Variants in RYR3 observed in about 807,000 individuals in gnomAD.
RYR3 encodes the protein brain ryanodine receptor-calcium release channel.
Under a neutral mutation model 584.3 loss-of-function variants are expected in RYR3, and 207 were observed. The ratio of observed to expected loss-of-function variants is 0.35; its 90% confidence interval spans 0.32 to 0.40. The LOEUF (loss-of-function observed/expected upper bound fraction) is 0.40, where lower values mean the gene tolerates loss of function less well. Ranked by LOEUF, RYR3 falls within the 10% of genes least tolerant of loss-of-function variation. The pLI is 1.00. For synonymous variants in RYR3, 2,416 were observed against 2,248.5 expected (o/e 1.07, Z -2.11); for missense variants, 5,616 against 6,089.2 (o/e 0.92, Z 2.59).
intron 48 of RYR3, among the ~76,000 whole-genome samples, chr15:33,734,729 G>C (rs1261123530): frequency 7.7e-6 from 1 of 129,080 alleles, no homozygotes; most frequent in African/African-American, 3.0e-5. Flanking sequence ...TCGCTCTGTC[G>C]CCCAGGTTGG....
rs755936109 is a variant in RYR3 at position 33,473,427 on chromosome 15, A to C, written c.60A>C (p.Glu20Asp). ...CTCTCTTCTCCTGGCAGGAGGATGA[A>C]GTGGTACTCCAGTGCATCGCCACCA... ...DEIQFLRTED[E>D]VVLQCIATIH... The change falls in exon 2 of 104, where the codon GAA (glutamate) becomes GAC (aspartate). Residue 20 changes from glutamate (E) to aspartate (D), a missense_variant. By Grantham distance (45) the Glu-to-Asp change is conservative (BLOSUM62 2). This residue lies in a region of RYR3 where 1,284 missense variants were observed against 1,344.6 expected (regional missense o/e 0.95). Transcript: ENST00000634891. The C allele has an allele frequency of 1.2e-6, 2 of 1,613,836 alleles. No homozygotes were observed. Among genetic ancestry groups the C allele is most frequent in the Non-Finnish European group, 1.7e-6 (2 of 1,179,886 alleles).
At chr15:33,864,439 A>G (rs980724200) in intron 103 of RYR3, among the ~76,000 whole-genome samples, 11 of 151,182 alleles carry the variant, frequency 7.3e-5, no homozygotes, top group Middle Eastern at 3.2e-3. Flanking sequence ...GGAGAACATT[A>G]CAGAGACAAT....
chr15:33,355,189 A>AAG (rs2140961148), intron 1 of RYR3, among the ~76,000 whole-genome samples: 1 of 151,944 alleles, frequency 6.6e-6, no homozygotes, highest in East Asian at 1.9e-4. Context: ...CCTCAAAAAA[A>AAG]AAAAAAAAAA....
intron 69 of RYR3, among the ~76,000 whole-genome samples, chr15:33,804,767 C>T (rs1038817297): frequency 6.6e-6 from 1 of 152,200 alleles, no homozygotes; most frequent in Non-Finnish European, 1.5e-5. Flanking sequence ...TAGATGTTCT[C>T]TCTACTACCT....
intron 38 of RYR3, among the ~76,000 whole-genome samples, chr15:33,673,504 A>G (rs2063972429): frequency 6.6e-6 from 1 of 152,250 alleles, no homozygotes; most frequent in African/African-American, 2.4e-5. Flanking sequence ...AAATCTAACA[A>G]TAGTAGCCAC....
At chr15:33,487,630 A>G (rs1306770915) in intron 2 of RYR3, among the ~76,000 whole-genome samples, 2 of 152,258 alleles carry the variant, frequency 1.3e-5, no homozygotes, top group East Asian at 3.9e-4. Flanking sequence ...CCCTGTGGTG[A>G]GGTTCTATGG....
intron 47 of RYR3, 57 bp downstream of exon 47, chr15:33,729,083 TTGGAC>T: frequency 2.7e-6 from 4 of 1,458,718 alleles, no homozygotes; most frequent in Non-Finnish European, 3.8e-6. Flanking sequence ...ATTAGTAATG[TTGGAC>T]TTCGAAGCAA....
intron 21 of RYR3, among the ~76,000 whole-genome samples, chr15:33,629,132 A>G (rs2061146723): frequency 6.6e-6 from 1 of 152,230 alleles, no homozygotes; most frequent in Admixed American, 6.5e-5. Context: ...TTGTGTATTT[A>G]TATAGCTACC....
rs377625251 is a variant in RYR3 at position 33,601,522 on chromosome 15, T to C, written c.1892T>C (p.Leu631Pro). Residue 631 changes from leucine to proline, a missense_variant, in exon 17 of 104, where the codon CTG becomes CCG. Leu to Pro is a moderately conservative substitution (Grantham distance 98, BLOSUM62 -3). This residue lies in a region of RYR3 where 1,284 missense variants were observed against 1,344.6 expected (regional missense o/e 0.95). Coordinates refer to ENST00000634891, the MANE Select transcript of RYR3 (RefSeq NM_001036.6). ...DNLLPRRNLL[L>P]QTRLINDVTS... ...TTGCTGCCCCGGAGAAACCTACTCCTGCAGACACGACTGATTAACGATGTA... is the reference window on the plus strand; with the variant it reads ...TTGCTGCCCCGGAGAAACCTACTCCCGCAGACACGACTGATTAACGATGTA... 5.0e-6 allele frequency: 8 copies of C among 1,613,692 alleles called. No individual in the cohort carries two copies. The African/African-American group carries it at 1.1e-4, about 22-fold the overall frequency.
rs371956156 is a variant in RYR3 at position 33,584,612 on chromosome 15, C to G, written c.1669+122C>G. ...TGCAAACAATCCTCAAATCATACTT[C>G]AAAATTAAAAAGAAATAGTCTTCAA... On this transcript the variant is annotated intron_variant, in intron 15 of 103. Coordinates refer to ENST00000634891, the MANE Select transcript of RYR3 (RefSeq NM_001036.6). 2.5e-5 allele frequency: 14 copies of G among 558,190 alleles called. No homozygotes were observed. The East Asian group carries it at 4.3e-4, about 17-fold the overall frequency. 34.6% of individuals were successfully genotyped at this position (558,190 alleles called of 1,614,324 possible).
chr15:33,430,558 T>A (rs970220022), intron 1 of RYR3, among the ~76,000 whole-genome samples: 7 of 152,162 alleles, frequency 4.6e-5, no homozygotes, highest in Non-Finnish European at 7.4e-5. Context: ...CAAAGAACAG[T>A]GGTCAGAATT....
At chr15:33,732,877 T>C (rs975056701) in intron 48 of RYR3, among the ~76,000 whole-genome samples, 1 of 152,156 alleles carries the variant, frequency 6.6e-6, no homozygotes, top group Non-Finnish European at 1.5e-5. Flanking sequence ...CTTCCCCCTT[T>C]AGGGGCCAGC....
At chr15:33,649,040 G>T in intron 30 of RYR3, 32 bp from the exon 31 acceptor site, 2 of 1,582,800 alleles carry the variant, frequency 1.3e-6, no homozygotes, top group East Asian at 2.3e-5. Context: ...GGGGCTGGGG[G>T]CCATTGACTC....
chr15:33,749,451 A>G (rs1460421237), intron 55 of RYR3, among the ~76,000 whole-genome samples: 1 of 152,200 alleles, frequency 6.6e-6, no homozygotes, highest in African/African-American at 2.4e-5. Context: ...TGGACCTTCG[A>G]GAAAGTTTCT....
intron 69 of RYR3, among the ~76,000 whole-genome samples, chr15:33,804,394 C>T (rs531614643): frequency 4.9e-4 from 75 of 152,238 alleles, no homozygotes; most frequent in South Asian, 3.3e-3. Flanking sequence ...GACCAGAAGG[C>T]GAAAGGAAGC....
At chr15:33,798,620 A>G (rs2075756185) in intron 67 of RYR3, among the ~76,000 whole-genome samples, 1 of 152,226 alleles carries the variant, frequency 6.6e-6, no homozygotes, top group Admixed American at 6.5e-5. Flanking sequence ...ATCAGAACTT[A>G]GTTACATAGC....
intron 1 of RYR3, among the ~76,000 whole-genome samples, chr15:33,451,881 T>C (rs1003281046): frequency 6.6e-6 from 1 of 152,260 alleles, no homozygotes; most frequent in African/African-American, 2.4e-5. Context: ...AGGGATTTGC[T>C]CAAAGCCATG....
At chr15:33,724,606 G>C (rs2068205592) in intron 45 of RYR3, among the ~76,000 whole-genome samples, 1 of 152,146 alleles carries the variant, frequency 6.6e-6, no homozygotes, top group African/African-American at 2.4e-5. Context: ...TTTTCCCCCA[G>C]AGGTAGAGTT....
chr15:33,724,070 C>G lies in RYR3; in HGVS notation c.6806C>G (p.Thr2269Arg). 1 of 1,596,358 alleles carries G rather than the reference C, an allele frequency of 6.3e-7. No individual in the cohort carries two copies. The highest frequency in any genetic ancestry group is 8.6e-7 in the Non-Finnish European group (1 of 1,164,166). ...PSQGYKREVSTGDDEEEEEIV... is the reference protein window; with the variant it reads ...PSQGYKREVSRGDDEEEEEIV... ...CCCTCTGTTGGTTCTCTCAGCAGCA[C>G]GGGGGACGATGAAGAGGAAGAAGAA... Residue 2269 changes from threonine to arginine, a missense_variant, in exon 45 of 104, where the codon ACG becomes AGG. Thr to Arg is a moderately conservative substitution (Grantham distance 71, BLOSUM62 -1). Around this residue, in one of 9 missense-constraint regions of RYR3, gnomAD observed 1,280 missense variants for 1,426.2 expected, o/e 0.90. Transcript: ENST00000634891.
Sources: gnomAD v4.1 joint callset for allele counts (sites outside exome capture counted in the v4.1 genomes callset) on GRCh38, gnomAD v4.1.1 for gene constraint, gnomAD v4.1.1 regional missense constraint, MANE v1.5 for transcripts, NCBI Gene and HGNC (gene_info 2026-07-23, HGNC 2026-07-21) for gene names.